SORBS2: variants seen among roughly 807,000 people sequenced by gnomAD.
SORBS2 encodes sorbin and SH3 domain-containing protein 2.
In SORBS2, 46 loss-of-function variants were observed where a neutral mutation model predicts 97.7. The ratio of observed to expected loss-of-function variants is 0.47; its 90% confidence interval spans 0.37 to 0.60. The LOEUF (loss-of-function observed/expected upper bound fraction) is 0.60, where lower values mean the gene tolerates loss of function less well. Ranked by LOEUF, SORBS2 falls within the 20% of genes least tolerant of loss-of-function variation. The pLI, the probability that SORBS2 is intolerant of heterozygous loss-of-function variation, is 0.00. For synonymous variants in SORBS2, 476 were observed against 473.4 expected, an observed-to-expected ratio of 1.01 and a Z score of -0.07; for missense variants, 1,316 against 1,282.3, an observed-to-expected ratio of 1.03 and a Z score of -0.40.
At chr4:185,842,895 A>G (rs1383208700) in intron 1 of SORBS2, among the ~76,000 whole-genome samples, 3 of 145,998 alleles carry the variant, frequency 2.1e-5, no homozygotes, top group African/African-American at 7.6e-5. Context: ...AGATCACACC[A>G]CTGTACTCCA....
At chr4:185,830,552 C>T (rs1323560515) in intron 1 of SORBS2, among the ~76,000 whole-genome samples, 2 of 152,166 alleles carry the variant, frequency 1.3e-5, no homozygotes, top group East Asian at 3.8e-4. Flanking sequence ...CTCTGAAGTG[C>T]AACCAAATTA....
chr4:185,629,800 A>G (rs1022198189), intron 5 of SORBS2, among the ~76,000 whole-genome samples: 2 of 151,914 alleles, frequency 1.3e-5, no homozygotes, highest in African/African-American at 4.8e-5. Context: ...TGACCTCATG[A>G]TCTTCCCCCC....
At chr4:185,724,700 C>G (rs2098543315) in intron 2 of SORBS2, among the ~76,000 whole-genome samples, 1 of 152,172 alleles carries the variant, frequency 6.6e-6, no homozygotes, top group African/African-American at 2.4e-5. Flanking sequence ...TCGGCCACCT[C>G]TCTCAATTTG....
intron 1 of SORBS2, among the ~76,000 whole-genome samples, chr4:185,655,796 G>T (rs187045107): frequency 2.3e-4 from 35 of 152,232 alleles, no homozygotes; most frequent in Admixed American, 2.0e-3. Flanking sequence ...GTTAGTTAAG[G>T]AAATTATGTC....
chr4:185,913,314 A>G (rs2099256335), intron 1 of SORBS2, among the ~76,000 whole-genome samples: 1 of 152,230 alleles, frequency 6.6e-6, no homozygotes, highest in Non-Finnish European at 1.5e-5. Flanking sequence ...AGTTTTTACC[A>G]GATGGCATCC....
At chr4:185,721,128 G>A (rs986567518) in intron 2 of SORBS2, among the ~76,000 whole-genome samples, 5 of 118,606 alleles carry the variant, frequency 4.2e-5, no homozygotes, top group South Asian at 5.5e-4. Context: ...TCACTCTGTC[G>A]CCCTGGCTGT....
At chr4:185,665,248 G>C (rs974284847) in intron 4 of SORBS2, among the ~76,000 whole-genome samples, 8 of 152,166 alleles carry the variant, frequency 5.3e-5, no homozygotes, top group Admixed American at 5.2e-4. Flanking sequence ...GTAGCTGTTA[G>C]AGAAGGAGGA....
intron 1 of SORBS2, among the ~76,000 whole-genome samples, chr4:185,800,779 T>C (rs961882772): frequency 4.6e-5 from 7 of 152,190 alleles, no homozygotes; most frequent in African/African-American, 9.6e-5. Flanking sequence ...CCTAGATGTA[T>C]TGAGGTATAA....
chr4:185,658,226 A>T, upstream of SORBS2, among the ~76,000 whole-genome samples: 1 of 152,154 alleles, frequency 6.6e-6, no homozygotes, highest in East Asian at 1.9e-4. Context: ...TCCTATGTGC[A>T]TTTTTACCTT....
intron 2 of SORBS2, among the ~76,000 whole-genome samples, chr4:185,734,622 C>A (rs1039927837): frequency 6.6e-6 from 1 of 152,212 alleles, no homozygotes; most frequent in African/African-American, 2.4e-5. Context: ...ATATCCCTCG[C>A]ATCTGCCGTT....
upstream of SORBS2, among the ~76,000 whole-genome samples, chr4:185,658,061 T>C (rs1345155602): frequency 6.6e-6 from 1 of 152,166 alleles, no homozygotes; most frequent in Non-Finnish European, 1.5e-5. Context: ...GGTTTTGAAA[T>C]GTATTTCCAG....
At chr4:185,894,784 C>A (rs1396051657) in intron 1 of SORBS2, among the ~76,000 whole-genome samples, 1 of 152,212 alleles carries the variant, frequency 6.6e-6, no homozygotes, top group African/African-American at 2.4e-5. Context: ...CCAGATGATG[C>A]AACCCACTCC....
intron 1 of SORBS2, among the ~76,000 whole-genome samples, chr4:185,860,793 T>G (rs189291902): frequency 1.3e-5 from 2 of 152,262 alleles, no homozygotes; most frequent in East Asian, 3.9e-4. Flanking sequence ...TTGAAAAAGT[T>G]AGGTTATTAT....
At chr4:185,660,053 T>C (rs917011593), upstream of SORBS2, among the ~76,000 whole-genome samples, 2 of 152,234 alleles carry the variant, frequency 1.3e-5, no homozygotes, top group African/African-American at 4.8e-5. Context: ...TAGATGTACA[T>C]ATTCCTCCGA....
intron 1 of SORBS2, among the ~76,000 whole-genome samples, chr4:185,835,888 C>A (rs55730227): frequency 0.071 from 10,746 of 152,104 alleles, 561 homozygotes; most frequent in Middle Eastern, 0.15. Context: ...CCGTCTATTA[C>A]AGATGTGAAG....
At chr4:185,867,530 G>A (rs577977904) in intron 1 of SORBS2, among the ~76,000 whole-genome samples, 1 of 152,276 alleles carries the variant, frequency 6.6e-6, no homozygotes, top group African/African-American at 2.4e-5. Flanking sequence ...CTATAATACA[G>A]TAGGTGGACA....
intron 3 of SORBS2, 105 bp downstream of exon 12, chr4:185,649,362 A>T: frequency 1.1e-6 from 1 of 925,644 alleles, no homozygotes; most frequent in Non-Finnish European, 1.6e-6. Flanking sequence ...AAGATTACAC[A>T]TCCGCTCTCT....
At chr4:185,772,825 A>C (rs535426004) in intron 2 of SORBS2, 1 of 152,314 alleles carries the variant, frequency 6.6e-6, no homozygotes, top group East Asian at 1.9e-4. Flanking sequence ...ATAAAGCCTC[A>C]AAGTCACCAG....
At chr4:185,757,014 A>C in intron 2 of SORBS2, 3 of 1,023,476 alleles carry the variant, frequency 2.9e-6, no homozygotes, top group Non-Finnish European at 4.6e-6. Flanking sequence ...TATCACAAAG[A>C]CGTGAGTGGC....
Sources: allele counts gnomAD v4.1 joint callset (sites outside exome capture counted in the v4.1 genomes callset), GRCh38; gene constraint gnomAD v4.1.1; transcripts MANE v1.5; gene names NCBI Gene and HGNC (gene_info 2026-07-23, HGNC 2026-07-21).